Variants in NKD1 observed in about 807,000 individuals in gnomAD.
NKD1 encodes protein naked cuticle homolog 1.
Under a neutral mutation model 56.0 loss-of-function variants are expected in NKD1, and 21 were observed. That is an observed-to-expected ratio of 0.38 (90% CI 0.27 to 0.54). The LOEUF (loss-of-function observed/expected upper bound fraction) is 0.54. Among genes scored for constraint, NKD1 ranks in the 20% least tolerant of loss-of-function variants. NKD1 has a pLI of 0.82. For missense variants in NKD1, 578 were observed against 642.7 expected (o/e 0.90, Z 1.09); for synonymous variants, 263 against 265.7 (o/e 0.99, Z 0.10).
At chr16:50,572,723 C>T (rs1960911183) in intron 3 of NKD1, among the ~76,000 whole-genome samples, 1 of 152,152 alleles carries the variant, frequency 6.6e-6, no homozygotes, top group Non-Finnish European at 1.5e-5. Flanking sequence ...CCCTATGGTT[C>T]GTCTTCTTAC....
At chr16:50,570,968 T>A in intron 3 of NKD1, 4 of 985,426 alleles carry the variant, frequency 4.1e-6, no homozygotes, top group Non-Finnish European at 4.8e-6. Flanking sequence ...GAGGGCTGGC[T>A]GGTGGTATCC....
chr16:50,633,335 A>G lies in NKD1; in HGVS notation c.967A>G (p.Thr323Ala), dbSNP rs1449657708. The change falls in exon 10 of 10, where the codon ACC becomes GCC. Residue 323 changes from threonine (T) to alanine (A), a missense_variant. By Grantham distance (58) the Thr-to-Ala change is moderately conservative. Coordinates refer to ENST00000268459, the MANE Select transcript of NKD1 (RefSeq NM_033119.5). This position sits in a 1 kb window ranked among gnomAD's most constrained non-coding sequence, Gnocchi z 4.9. ...CCCGGCCTCCTTCCACTTCCTTGACACCCCAATCGCCAAGGTCTCAGAGCT... is the reference window on the plus strand; with the variant it reads ...CCCGGCCTCCTTCCACTTCCTTGACGCCCCAATCGCCAAGGTCTCAGAGCT... ...VDPASFHFLD[T>A]PIAKVSELQQ... The G allele has an allele frequency of 6.2e-7, 1 of 1,613,846 alleles. No individual in the cohort carries two copies. Among genetic ancestry groups the G allele is most frequent in the Middle Eastern group, 1.7e-4 (1 of 6,058 alleles).
chr16:50,630,177 C>A lies in NKD1; in HGVS notation c.463-9C>A. On this transcript the variant is annotated splice_polypyrimidine_tract_variant and intron_variant, in intron 6 of 9. Coordinates refer to ENST00000268459, the MANE Select transcript of NKD1 (RefSeq NM_033119.5). ...ACCCTGCATGGGTCTCCGCTTCCCTCCCATTCAGGACATCACCAGCTTGCT... is the reference window on the plus strand; with the variant it reads ...ACCCTGCATGGGTCTCCGCTTCCCTACCATTCAGGACATCACCAGCTTGCT... 1 of 1,613,644 alleles carries A rather than the reference C, an allele frequency of 6.2e-7. No individual in the cohort carries two copies. The highest frequency in any genetic ancestry group is 1.1e-5 in the South Asian group (1 of 91,036).
In NKD1 at chr16:50,633,118, G is replaced by A. The variant is rs972114395; in HGVS notation, c.824-74G>A. The A allele has an allele frequency of 1.5e-6, 2 of 1,366,552 alleles. No homozygotes were observed. The highest frequency in any genetic ancestry group is 2.0e-6 in the Non-Finnish European group (2 of 1,015,434). The allele number at this position is 1,366,552 out of a possible 1,614,324, so 84.7% of individuals were successfully genotyped here. A position where few individuals can be genotyped will look rare whatever the true frequency, so the allele number is the denominator to read the frequency against. ...TGGTTTTGGAGAACTGGGGGCGGGG[G>A]TGATGTCTGGGGTATAGCGCAAGCC... On this transcript the variant is annotated intron_variant, in intron 9 of 9. Coordinates refer to ENST00000268459, the MANE Select transcript of NKD1 (RefSeq NM_033119.5). This position sits in a 1 kb window ranked among gnomAD's most constrained non-coding sequence, Gnocchi z 4.9.
intron 5 of NKD1, 33 bp from the exon 6 acceptor site, chr16:50,625,452 G>A: frequency 6.7e-7 from 1 of 1,491,216 alleles, no homozygotes; most frequent in Non-Finnish European, 9.3e-7. Context: ...GCCACAGATA[G>A]GGGACCAGCC....
At position 50,593,358 on chromosome 16, in the gene NKD1, G is replaced by T. The variant is rs145964629; in HGVS notation, c.193-14936G>T. On this transcript the variant is annotated intron_variant, in intron 3 of 9. Coordinates refer to ENST00000268459, the MANE Select transcript of NKD1 (RefSeq NM_033119.5). ...GCTTCAGGCACCATTTGATCCAGGG[G>T]CTCAAATGATGTCAGGACCCCTTTT... Among the ~76,000 whole-genome samples the T allele has an allele frequency of 3.9e-5, 6 of 152,278 alleles. No individual in the cohort carries two copies. The East Asian group carries it at 1.2e-3, about 29-fold the overall frequency.
At chr16:50,579,807 T>A (rs2151268841) in intron 3 of NKD1, among the ~76,000 whole-genome samples, 1 of 152,296 alleles carries the variant, frequency 6.6e-6, no homozygotes, top group Non-Finnish European at 1.5e-5. Flanking sequence ...ATGCACTGTC[T>A]TACTCCTGTG....
At chr16:50,579,128 C>T (rs1961052083) in intron 3 of NKD1, among the ~76,000 whole-genome samples, 2 of 151,854 alleles carry the variant, frequency 1.3e-5, no homozygotes, top group South Asian at 4.2e-4. Flanking sequence ...CTGTCTTACT[C>T]CTGCGGGCTA....
chr16:50,567,148 G>C (rs1355500957), intron 3 of NKD1, among the ~76,000 whole-genome samples: 2 of 152,138 alleles, frequency 1.3e-5, no homozygotes, highest in African/African-American at 4.8e-5. Context: ...CTGGGCCTTA[G>C]TTTTCTTACC....
chr16:50,589,034 C>T (rs1401392391), intron 3 of NKD1, among the ~76,000 whole-genome samples: 2 of 152,136 alleles, frequency 1.3e-5, no homozygotes, highest in Admixed American at 1.3e-4. Context: ...GCATCTGGCA[C>T]ATGGTCAGTG....
intron 3 of NKD1, chr16:50,607,651 A>T (rs1961743029): frequency 6.5e-6 from 1 of 153,844 alleles, no homozygotes. Context: ...GCACTTGGAG[A>T]TTCAGTGTTT....
intron 4 of NKD1, among the ~76,000 whole-genome samples, chr16:50,617,641 G>A (rs1022071901): frequency 2.6e-5 from 4 of 152,106 alleles, no homozygotes; most frequent in Admixed American, 6.5e-5. Context: ...GGAGGGACAG[G>A]GAGCAGTTTC....
chr16:50,589,843 C>T (rs1044413055), intron 3 of NKD1, among the ~76,000 whole-genome samples: 7 of 126,612 alleles, frequency 5.5e-5, no homozygotes, highest in African/African-American at 1.2e-4. Flanking sequence ...TTTCTCTTCT[C>T]TTTTTTTTCC....
At chr16:50,575,895 G>C (rs1189806232) in intron 3 of NKD1, among the ~76,000 whole-genome samples, 1 of 152,160 alleles carries the variant, frequency 6.6e-6, no homozygotes, top group Non-Finnish European at 1.5e-5. Context: ...GGTTGGGGGT[G>C]CTGCTGGCCT....
At chr16:50,574,876 C>T (rs1960959189) in intron 3 of NKD1, 1 of 985,328 alleles carries the variant, frequency 1.0e-6, no homozygotes, top group Non-Finnish European at 1.2e-6. Context: ...TCTGTGAACA[C>T]CCAAGTTTGA....
At chr16:50,597,051 G>C (rs2151273028) in intron 3 of NKD1, among the ~76,000 whole-genome samples, 1 of 152,262 alleles carries the variant, frequency 6.6e-6, no homozygotes, top group African/African-American at 2.4e-5. Flanking sequence ...GCTTTGATGG[G>C]CTTTGGTGGG....
intron 3 of NKD1, among the ~76,000 whole-genome samples, chr16:50,593,025 C>T (rs1961402558): frequency 6.6e-6 from 1 of 152,020 alleles, no homozygotes; most frequent in East Asian, 1.9e-4. Context: ...ATAGGGAAAC[C>T]AAGGCTCATG....
Position 50,636,488 on chromosome 16 carries a change from A to T in NKD1, c.*2707A>T, listed in dbSNP as rs181259335. The T allele has an allele frequency of 3.2e-4, 48 of 152,378 alleles. No homozygotes were observed. The highest frequency in any genetic ancestry group is 1.1e-3 in the African/African-American group (44 of 41,590). The allele number at this position is 152,378 out of a possible 1,614,324, so 9.4% of individuals were successfully genotyped here. A position where few individuals can be genotyped will look rare whatever the true frequency, so the allele number is the denominator to read the frequency against. ...CATCCCAGGCCTGCCAGCATCCCTGATGCCGACTTTCTGGGTGTGGCCTAG... is the reference window on the plus strand; with the variant it reads ...CATCCCAGGCCTGCCAGCATCCCTGTTGCCGACTTTCTGGGTGTGGCCTAG... On this transcript the variant is annotated 3_prime_UTR_variant, in exon 10 of 10. Transcript: ENST00000268459.
chr16:50,579,339 G>T (rs1311187113), intron 3 of NKD1, among the ~76,000 whole-genome samples: 1 of 126,058 alleles, frequency 7.9e-6, no homozygotes, highest in Non-Finnish European at 1.6e-5. Context: ...AACCCACCAC[G>T]CATGCACTGT....
Sources: gnomAD v4.1 joint callset for allele counts (sites outside exome capture counted in the v4.1 genomes callset) on GRCh38, gnomAD v4.1.1 for gene constraint, Gnocchi (gnomAD v3.1) non-coding constraint, MANE v1.5 for transcripts, NCBI Gene and HGNC (gene_info 2026-07-23, HGNC 2026-07-21) for gene names.